EFR3A: variants seen among roughly 807,000 people sequenced by gnomAD.
EFR3A encodes protein EFR3 homolog A.
A neutral mutation model predicts 104.4 loss-of-function variants in EFR3A; 76 were observed. That is an observed-to-expected ratio of 0.73 (90% confidence interval 0.60 to 0.88). EFR3A has a LOEUF of 0.88. Among genes scored for constraint, EFR3A ranks in the 40% least tolerant of loss-of-function variants. The pLI, the probability that EFR3A is intolerant of heterozygous loss-of-function variation, is 0.00. For missense variants in EFR3A, 985 were observed against 1,012.5 expected (o/e 0.97, Z 0.37); for synonymous variants, 330 against 330.0 (o/e 1.00, Z 0.00).
At chr8:131,968,262 T>G (rs540767441) in intron 8 of EFR3A, 33 bp from the exon 9 acceptor site, 1 of 1,600,252 alleles carries the variant, frequency 6.2e-7, no homozygotes, top group East Asian at 2.2e-5. Context: ...CATGTACTTT[T>G]TATACATCTT....
At chr8:131,926,772 A>AC (rs1459421764) in intron 1 of EFR3A, among the ~76,000 whole-genome samples, 1 of 152,108 alleles carries the variant, frequency 6.6e-6, no homozygotes, top group Non-Finnish European at 1.5e-5. Context: ...AATGTGTGCC[A>AC]CCGTGTCCAG....
Position 131,953,868 on chromosome 8 carries a change from T to C in EFR3A, c.539T>C (p.Val180Ala). 3 of 1,573,508 alleles carry C rather than the reference T, an allele frequency of 1.9e-6. No individual in the cohort carries two copies. The highest frequency in any genetic ancestry group is 1.2e-5 in the South Asian group (1 of 85,816). ...RGIQGVVRKT[V>A]NDELRATIWE... Reference sequence around the variant, plus strand: ...ATTCAAGGTGTGGTTCGCAAAACAGTCAACGATGAACTTCGGGCCACCATT... The same window carrying C: ...ATTCAAGGTGTGGTTCGCAAAACAGCCAACGATGAACTTCGGGCCACCATT... The change falls in exon 6 of 23, where the codon GTC becomes GCC. Residue 180 changes from valine (V) to alanine (A), a missense_variant. Val to Ala is a moderately conservative substitution (Grantham distance 64). Coordinates refer to ENST00000254624, the MANE Select transcript of EFR3A (RefSeq NM_015137.6).
At chr8:131,915,700 C>T (rs1412344409) in intron 1 of EFR3A, among the ~76,000 whole-genome samples, 5 of 151,996 alleles carry the variant, frequency 3.3e-5, no homozygotes, top group Non-Finnish European at 4.4e-5. Context: ...AAGTATACTA[C>T]AGATACAGTG....
intron 14 of EFR3A, among the ~76,000 whole-genome samples, chr8:131,983,629 C>T (rs1342742805): frequency 2.0e-5 from 3 of 152,024 alleles, no homozygotes; most frequent in South Asian, 4.1e-4. Flanking sequence ...GCTTTAGACT[C>T]GCCTTCAGGG....
intron 1 of EFR3A, among the ~76,000 whole-genome samples, chr8:131,912,659 GAGA>G (rs1378059188): frequency 2.0e-5 from 3 of 152,176 alleles, no homozygotes; most frequent in African/African-American, 7.2e-5. Context: ...TCTACAATCA[GAGA>G]AGAAGATTCT....
intron 16 of EFR3A, among the ~76,000 whole-genome samples, chr8:131,985,294 G>A (rs1294903021): frequency 2.0e-5 from 3 of 151,942 alleles, no homozygotes; most frequent in Non-Finnish European, 4.4e-5. Flanking sequence ...TGGAATATGT[G>A]GTTTTCTTCT....
chr8:131,983,493 A>G (rs577214721), intron 14 of EFR3A, among the ~76,000 whole-genome samples: 4 of 152,226 alleles, frequency 2.6e-5, no homozygotes, highest in Non-Finnish European at 1.5e-5. Context: ...AAAGGCTTTA[A>G]TAATCTTTAT....
At chr8:131,922,018 A>G (rs182594923) in intron 1 of EFR3A, among the ~76,000 whole-genome samples, 2 of 152,286 alleles carry the variant, frequency 1.3e-5, no homozygotes, top group East Asian at 1.9e-4. Context: ...TTCAAAACCA[A>G]GGTTTGGGCA....
intron 6 of EFR3A, among the ~76,000 whole-genome samples, 193 bp downstream of exon 6, chr8:131,954,160 GATT>G (rs1426695519): frequency 1.3e-5 from 2 of 152,076 alleles, no homozygotes; most frequent in African/African-American, 4.8e-5. Context: ...GCAGACTACA[GATT>G]ATTATTCATA....
intron 21 of EFR3A, 122 bp from the exon 22 acceptor site, chr8:132,003,114 G>A: frequency 1.3e-6 from 1 of 758,610 alleles, no homozygotes; most frequent in Non-Finnish European, 2.1e-6. Context: ...AAAGCATTGT[G>A]TACTTAATAA....
chr8:131,904,797 C>T (rs548673608), intron 1 of EFR3A, among the ~76,000 whole-genome samples: 1 of 152,182 alleles, frequency 6.6e-6, no homozygotes, highest in Non-Finnish European at 1.5e-5. Flanking sequence ...GTATCGCCGT[C>T]GGGGCGGCTG....
chr8:131,983,448 G>T (rs1056708950), intron 14 of EFR3A, among the ~76,000 whole-genome samples: 4 of 151,892 alleles, frequency 2.6e-5, no homozygotes, highest in Non-Finnish European at 5.9e-5. Context: ...ACTGGATGTG[G>T]CATTGCACCT....
intron 3 of EFR3A, among the ~76,000 whole-genome samples, chr8:131,945,574 T>C (rs1818397321): frequency 6.6e-6 from 1 of 152,082 alleles, no homozygotes; most frequent in Non-Finnish European, 1.5e-5. Flanking sequence ...ATGGCACACA[T>C]AGCTTTATGG....
intron 8 of EFR3A, among the ~76,000 whole-genome samples, chr8:131,967,124 A>C (rs1006351311): frequency 6.6e-6 from 1 of 152,202 alleles, no homozygotes; most frequent in East Asian, 1.9e-4. Flanking sequence ...TTCCTGGACA[A>C]GAAGTTCAGT....
chr8:131,944,664 GA>G (rs1818334593), intron 2 of EFR3A, 80 bp from the exon 3 acceptor site: 1 of 1,370,192 alleles, frequency 7.3e-7, no homozygotes, highest in African/African-American at 1.5e-5. Flanking sequence ...TCCAGAAAGG[GA>G]AATTGTAAAG....
At chr8:131,912,712 T>C (rs1261411700) in intron 1 of EFR3A, among the ~76,000 whole-genome samples, 1 of 152,180 alleles carries the variant, frequency 6.6e-6, no homozygotes, top group Non-Finnish European at 1.5e-5. Flanking sequence ...TTTCAACATT[T>C]TTATAATTCA....
intron 1 of EFR3A, among the ~76,000 whole-genome samples, chr8:131,905,561 T>C (rs913299700): frequency 6.6e-6 from 1 of 152,214 alleles, no homozygotes; most frequent in Non-Finnish European, 1.5e-5. Context: ...GTGGATTTTG[T>C]TTTCTTCACA....
intron 19 of EFR3A, among the ~76,000 whole-genome samples, chr8:131,997,453 A>G (rs936812815): frequency 7.2e-5 from 11 of 152,180 alleles, no homozygotes; most frequent in African/African-American, 2.4e-4. Context: ...TATGTTTTCT[A>G]TGCCATTCAA....
chr8:131,921,724 A>T (rs1008083598), intron 1 of EFR3A, among the ~76,000 whole-genome samples: 2 of 152,096 alleles, frequency 1.3e-5, no homozygotes, highest in African/African-American at 4.8e-5. Context: ...TCCTTGTCTT[A>T]GTTATTTTGT....
Sources: allele counts gnomAD v4.1 joint callset (sites outside exome capture counted in the v4.1 genomes callset), GRCh38; gene constraint gnomAD v4.1.1; transcripts MANE v1.5; gene names NCBI Gene and HGNC (gene_info 2026-07-23, HGNC 2026-07-21).